The following MEP1A variants were observed in gnomAD, a reference collection of about 807,000 sequenced individuals.
MEP1A encodes N-benzoyl-L-tyrosyl-P-amino-benzoic acid hydrolase subunit alpha.
MEP1A carries 68 observed loss-of-function variants against 84.5 expected under a neutral mutation model. That is an observed-to-expected ratio of 0.80 (90% CI 0.66 to 0.98). The LOEUF (loss-of-function observed/expected upper bound fraction) is 0.98. Among genes scored for constraint, MEP1A ranks in the 50% least tolerant of loss-of-function variants. MEP1A has a pLI of 0.00. For missense variants in MEP1A, 887 were observed against 919.9 expected (o/e 0.96, Z 0.46); for synonymous variants, 337 against 336.8 (o/e 1.00, Z -0.01).
intron 7 of MEP1A, among the ~76,000 whole-genome samples, chr6:46,824,534 C>A (rs1767856900): frequency 7.3e-6 from 1 of 137,132 alleles, no homozygotes; most frequent in African/African-American, 2.7e-5. Context: ...TATAAATTAT[C>A]ATCTATTTAA....
intron 6 of MEP1A, among the ~76,000 whole-genome samples, chr6:46,818,250 A>G (rs1767686076): frequency 6.6e-6 from 1 of 152,214 alleles, no homozygotes. Context: ...ATACCTTAAT[A>G]AAGTTATTAG....
chr6:46,804,211 C>A (rs1463461132), intron 5 of MEP1A, among the ~76,000 whole-genome samples: 1 of 151,566 alleles, frequency 6.6e-6, no homozygotes, highest in Non-Finnish European at 1.5e-5. Flanking sequence ...TTGTTGATGA[C>A]AAATTCTGGT....
chr6:46,826,196 G>C (rs912129877), intron 8 of MEP1A, among the ~76,000 whole-genome samples, 158 bp from the exon 9 acceptor site: 3 of 152,150 alleles, frequency 2.0e-5, no homozygotes, highest in Non-Finnish European at 4.4e-5. Context: ...CAAGTACTAA[G>C]ATCTGATGAC....
chr6:46,800,190 C>A (rs192279378), intron 5 of MEP1A, among the ~76,000 whole-genome samples: 1 of 152,190 alleles, frequency 6.6e-6, no homozygotes, highest in Non-Finnish European at 1.5e-5. Flanking sequence ...AAAAGGGGTT[C>A]TTTCCCATTA....
Position 46,807,159 on chromosome 6 carries a change from C to A in MEP1A, c.263-2261C>A, listed in dbSNP as rs186865646. Among the ~76,000 whole-genome samples, 244 of 151,720 alleles carry A rather than the reference C, an allele frequency of 1.6e-3. 3 individuals are homozygous for A. The highest frequency in any genetic ancestry group is 5.5e-3 in the African/African-American group (227 of 41,404). On this transcript the variant is annotated intron_variant, in intron 5 of 13. Transcript: ENST00000230588. Reference sequence around the variant, plus strand: ...TACAGCCATTGGTATCTAAAATTAACTCTTCTCAAAAGAAAAAAAAAGAAC... The same window carrying A: ...TACAGCCATTGGTATCTAAAATTAAATCTTCTCAAAAGAAAAAAAAAGAAC...
Position 46,793,405 on chromosome 6 carries a change from T to G in MEP1A, c.7T>G (p.Trp3Gly), listed in dbSNP as rs779651501. Reference protein sequence around the residue: MAWIRSTCILFFT... With the variant: MAGIRSTCILFFT... ...AATCAGCTCACTTGCAGCAATGGCT[T>G]GGATTAGATCCACTTGCATTCTCTT... Residue 3 changes from tryptophan (W) to glycine (G), a missense_variant, in exon 1 of 14, where the codon TGG becomes GGG. Trp to Gly is a radical substitution (Grantham distance 184). Transcript: ENST00000230588. The G allele has an allele frequency of 6.3e-7, 1 of 1,586,570 alleles. No individual in the cohort carries two copies. Among genetic ancestry groups the G allele is most frequent in the Non-Finnish European group, 8.5e-7 (1 of 1,172,016 alleles).
chr6:46,812,265 G>A (rs1767521566), intron 6 of MEP1A, among the ~76,000 whole-genome samples: 1 of 152,016 alleles, frequency 6.6e-6, no homozygotes, highest in African/African-American at 2.4e-5. Context: ...ACATAAAGGT[G>A]TTCAAAGTAG....
chr6:46,840,880 G>A (rs765728534), downstream of MEP1A, among the ~76,000 whole-genome samples: 3 of 152,152 alleles, frequency 2.0e-5, no homozygotes, highest in Non-Finnish European at 2.9e-5. Flanking sequence ...TTTGTTTCTC[G>A]CTGTGCTTCA....
chr6:46,835,439 A>G lies in MEP1A; in HGVS notation c.1974A>G (p.Thr658=). ...PSRQKRSVEN[T]GPLEDHNWPQ... is the part of the protein sequence containing the mutation. ...GACAGAAGCGGTCGGTGGAGAACAC[A>G]GGCCCCCTGGAGGACCATAACTGGC... is the stretch of plus-strand genomic sequence containing the variant. Residue 658 remains threonine (T), a synonymous_variant, in exon 13 of 14, where the codon ACA becomes ACG. Coordinates refer to ENST00000230588, the MANE Select transcript of MEP1A (RefSeq NM_005588.3). 6.2e-7 allele frequency: 1 copy of G among 1,612,134 alleles called. No homozygotes were observed. The highest frequency in any genetic ancestry group is 8.5e-7 in the Non-Finnish European group (1 of 1,179,178).
chr6:46,799,061 C>A, intron 4 of MEP1A, 45 bp from the exon 5 acceptor site: 1 of 1,279,612 alleles, frequency 7.8e-7, no homozygotes. Context: ...TCAAGGTGAC[C>A]TTGAGGACTA....
downstream of MEP1A, among the ~76,000 whole-genome samples, chr6:46,843,962 T>C (rs1284984538): frequency 6.6e-6 from 1 of 152,208 alleles, no homozygotes; most frequent in Non-Finnish European, 1.5e-5. Context: ...GTTTGGAAGG[T>C]GCTATAAAAT....
intron 5 of MEP1A, among the ~76,000 whole-genome samples, chr6:46,808,271 G>A (rs1431728274): frequency 6.6e-6 from 1 of 151,972 alleles, no homozygotes; most frequent in African/African-American, 2.4e-5. Flanking sequence ...GAATGCTCTT[G>A]TTATTGTTAT....
At chr6:46,809,973 G>A (rs1002766515) in intron 6 of MEP1A, among the ~76,000 whole-genome samples, 4 of 151,848 alleles carry the variant, frequency 2.6e-5, no homozygotes, top group Non-Finnish European at 4.4e-5. Flanking sequence ...CCTGTGGGTA[G>A]ATACCTAGTA....
intron 10 of MEP1A, among the ~76,000 whole-genome samples, chr6:46,831,802 C>T (rs1398152260): frequency 6.6e-6 from 1 of 152,220 alleles, no homozygotes; most frequent in Non-Finnish European, 1.5e-5. Flanking sequence ...ACCTATTACC[C>T]TTCAAGTCCA....
chr6:46,825,312 C>T lies in MEP1A; in HGVS notation c.597C>T (p.Ile199=), dbSNP rs372283385. The T allele has an allele frequency of 1.9e-5, 30 of 1,613,434 alleles. No homozygotes were observed. In the African/African-American group the frequency reaches 3.7e-4, roughly 20 times the overall value. Residue 199 remains isoleucine, a synonymous_variant, in exon 8 of 14, where the codon ATC becomes ATT. Coordinates refer to ENST00000230588, the MANE Select transcript of MEP1A (RefSeq NM_005588.3). ...HNFDTYDDSL[I]TDLNTPYDYE... Reference sequence around the variant, plus strand: ...TTGACACCTATGATGATAGCTTAATCACAGACCTCAATACACCCTATGATT... The same window carrying T: ...TTGACACCTATGATGATAGCTTAATTACAGACCTCAATACACCCTATGATT...
chr6:46,805,586 T>G (rs1767294208), intron 5 of MEP1A, among the ~76,000 whole-genome samples: 1 of 152,006 alleles, frequency 6.6e-6, no homozygotes, highest in African/African-American at 2.4e-5. Flanking sequence ...TTGCTCCAGA[T>G]ACACTGTTTC....
intron 9 of MEP1A, among the ~76,000 whole-genome samples, chr6:46,827,338 A>G (rs188853815): frequency 5.6e-4 from 86 of 152,326 alleles, no homozygotes; most frequent in Non-Finnish European, 3.2e-4. Context: ...TAATGCATAC[A>G]AAGCCCCCAC....
At chr6:46,825,762 A>G (rs1338221711) in intron 8 of MEP1A, among the ~76,000 whole-genome samples, 2 of 152,202 alleles carry the variant, frequency 1.3e-5, no homozygotes, top group Non-Finnish European at 2.9e-5. Flanking sequence ...ATGGTTATAA[A>G]AACCAATTAT....
rs1059276 is a variant in MEP1A at position 46,839,303 on chromosome 6, C to A, written c.*167C>A. 0.62 allele frequency: 335,556 copies of A among 540,010 alleles called. 105,411 individuals carry two copies. The highest frequency in any genetic ancestry group is 0.72 in the Admixed American group (21,221 of 29,530). The allele number at this position is 540,010 out of a possible 1,614,324, so 33.5% of individuals were successfully genotyped here. ...TGTCATCTCTCTGCCCCACATAATTCTGTTACTTTGCTATGTGCTCCTAAT... is the reference window on the plus strand; with the variant it reads ...TGTCATCTCTCTGCCCCACATAATTATGTTACTTTGCTATGTGCTCCTAAT... On this transcript the variant is annotated 3_prime_UTR_variant, in exon 14 of 14. Transcript: ENST00000230588.
Sources: allele counts gnomAD v4.1 joint callset (sites outside exome capture counted in the v4.1 genomes callset), GRCh38; gene constraint gnomAD v4.1.1; transcripts MANE v1.5; gene names NCBI Gene and HGNC (gene_info 2026-07-23, HGNC 2026-07-21).